TSHZ3: variants seen among roughly 807,000 people sequenced by gnomAD.
TSHZ3 encodes teashirt zinc finger homeobox 3.
Under a neutral mutation model 64.5 loss-of-function variants are expected in TSHZ3, and 10 were observed. The ratio of observed to expected loss-of-function variants is 0.16; its 90% CI spans 0.10 to 0.26. The LOEUF (loss-of-function observed/expected upper bound fraction) is 0.26. TSHZ3 is among the 10% of genes least tolerant of loss of function. TSHZ3 has a pLI of 1.00. For synonymous variants in TSHZ3, 608 were observed against 593.1 expected (o/e 1.03, Z -0.36); for missense variants, 1,242 against 1,421.7 (o/e 0.87, Z 2.03).
At chr19:31,349,088 C>A in intron 1 of TSHZ3, 92 bp downstream of exon 1, 1 of 1,465,642 alleles carries the variant, frequency 6.8e-7, no homozygotes, top group Non-Finnish European at 9.1e-7. Context: ...GGCAGAAGAG[C>A]GGGGCGAGGA....
At chr19:31,332,230 A>G (rs545301723) in intron 1 of TSHZ3, among the ~76,000 whole-genome samples, 26 of 152,214 alleles carry the variant, frequency 1.7e-4, no homozygotes, top group East Asian at 1.5e-3. Flanking sequence ...GAATTTCATG[A>G]TATGTTTAGT....
chr19:31,174,163 G>A (rs1009756507), intron 5 of TSHZ3, among the ~76,000 whole-genome samples: 1 of 152,222 alleles, frequency 6.6e-6, no homozygotes, highest in Non-Finnish European at 1.5e-5. Flanking sequence ...GGGAAGACCC[G>A]GGAGAGCCCA....
At chr19:31,257,800 A>G (rs968069407) in intron 1 of TSHZ3, among the ~76,000 whole-genome samples, 1 of 152,188 alleles carries the variant, frequency 6.6e-6, no homozygotes, top group Non-Finnish European at 1.5e-5. Context: ...AGTGGTCCCT[A>G]TAAAAAGGCT....
intron 1 of TSHZ3, among the ~76,000 whole-genome samples, chr19:31,326,512 G>A (rs928232696): frequency 6.6e-5 from 10 of 152,236 alleles, no homozygotes; most frequent in Non-Finnish European, 1.0e-4. Flanking sequence ...ACGTGCCTGC[G>A]TGTGTCTGTG....
exon 7 of TSHZ3, among the ~76,000 whole-genome samples, chr19:31,150,601 G>C (rs1417854871): frequency 3.9e-5 from 6 of 152,214 alleles, no homozygotes; most frequent in African/African-American, 1.4e-4. Flanking sequence ...CCCACTACGG[G>C]CAGGATGGCC....
intron 1 of TSHZ3, 81 bp downstream of exon 1, chr19:31,349,099 G>A (rs2021614774): frequency 1.3e-6 from 2 of 1,491,356 alleles, no homozygotes; most frequent in Non-Finnish European, 1.8e-6. Flanking sequence ...GGGGCGAGGA[G>A]CGGGGTCGCG....
At chr19:31,162,812 G>T (rs2145104984) in intron 5 of TSHZ3, among the ~76,000 whole-genome samples, 1 of 152,350 alleles carries the variant, frequency 6.6e-6, no homozygotes, top group East Asian at 1.9e-4. Context: ...CCATGGCACA[G>T]CCAGGGGTGT....
At position 31,161,763 on chromosome 19, in the gene TSHZ3, T is replaced by C. The variant is rs116241522; in HGVS notation, n.810-5346A>G. 3.2e-3 allele frequency among the ~76,000 whole-genome samples: 484 copies of C among 152,342 alleles called. 3 individuals are homozygous for C. The highest frequency in any genetic ancestry group is 0.011 in the African/African-American group (462 of 41,582). ...TCCTTTGCCATGCTGTGGCAAGCCC[T>C]TTCTGTAAAGGGCCAGATAGTAAAT... is the stretch of plus-strand genomic sequence containing the variant. On this transcript the variant is annotated intron_variant and non_coding_transcript_variant, in intron 5 of 6. Coordinates refer to the TSHZ3 transcript ENST00000651361.
At chr19:31,218,353 G>A (rs1302854504) in intron 4 of TSHZ3, among the ~76,000 whole-genome samples, 1 of 152,156 alleles carries the variant, frequency 6.6e-6, no homozygotes, top group Non-Finnish European at 1.5e-5. Flanking sequence ...ACACTGAGAT[G>A]CCACCACACA....
chr19:31,268,190 G>A (rs1308512947), intron 1 of TSHZ3, among the ~76,000 whole-genome samples: 1 of 152,132 alleles, frequency 6.6e-6, no homozygotes, highest in African/African-American at 2.4e-5. Flanking sequence ...ATGGCCGTGA[G>A]ACCTCCCCAA....
intron 5 of TSHZ3, among the ~76,000 whole-genome samples, chr19:31,182,693 T>C (rs113681413): frequency 1.8e-4 from 28 of 152,122 alleles, no homozygotes; most frequent in Non-Finnish European, 3.5e-4. Flanking sequence ...CAGATAGAAG[T>C]GTATTGCTTT....
At chr19:31,347,856 G>A (rs1196617142) in intron 1 of TSHZ3, among the ~76,000 whole-genome samples, 3 of 152,178 alleles carry the variant, frequency 2.0e-5, no homozygotes, top group South Asian at 4.1e-4. Flanking sequence ...GCAGAGTGCA[G>A]CCAACGTGTG....
intron 3 of TSHZ3, among the ~76,000 whole-genome samples, chr19:31,228,439 T>C (rs937488921): frequency 9.4e-5 from 14 of 148,584 alleles, no homozygotes; most frequent in Non-Finnish European, 1.8e-4. Flanking sequence ...GGGGGGAGGA[T>C]CACATGAGCC....
intron 1 of TSHZ3, among the ~76,000 whole-genome samples, chr19:31,261,265 G>C (rs1360868986): frequency 6.6e-6 from 1 of 152,182 alleles, no homozygotes; most frequent in Non-Finnish European, 1.5e-5. Context: ...ATATTCAAAG[G>C]AGCATCTTCA....
At chr19:31,250,668 C>T (rs78960272) in intron 1 of TSHZ3, among the ~76,000 whole-genome samples, 1 of 152,150 alleles carries the variant, frequency 6.6e-6, no homozygotes, top group East Asian at 1.9e-4. Context: ...GAATCATGGT[C>T]TCCAGAAAAG....
chr19:31,251,929 A>C (rs1013988125), intron 1 of TSHZ3, among the ~76,000 whole-genome samples: 3 of 152,320 alleles, frequency 2.0e-5, no homozygotes, highest in Admixed American at 6.5e-5. Context: ...TCCCCTCTGC[A>C]GTCCCCACAG....
intron 5 of TSHZ3, among the ~76,000 whole-genome samples, chr19:31,180,408 G>C (rs919178630): frequency 2.0e-5 from 3 of 152,146 alleles, no homozygotes; most frequent in Non-Finnish European, 4.4e-5. Context: ...GTTTTCTCTG[G>C]TGCACGTTTC....
chr19:31,262,540 T>A (rs186967356), intron 1 of TSHZ3, among the ~76,000 whole-genome samples: 191 of 152,324 alleles, frequency 1.3e-3, no homozygotes, highest in Middle Eastern at 3.4e-3. Context: ...TGCTTTTTTT[T>A]AAAAAATTTG....
intron 1 of TSHZ3, among the ~76,000 whole-genome samples, chr19:31,249,161 T>G (rs1975799299): frequency 6.6e-6 from 1 of 151,498 alleles, no homozygotes; most frequent in African/African-American, 2.4e-5. Context: ...TGCCTAGGGG[T>G]CAAGTCAGTG....
Sources: allele counts gnomAD v4.1 joint callset (sites outside exome capture counted in the v4.1 genomes callset), GRCh38; gene constraint gnomAD v4.1.1; transcripts MANE v1.5; gene names NCBI Gene and HGNC (gene_info 2026-07-23, HGNC 2026-07-21).